The following MARCHF1 variants were observed in gnomAD, a reference collection of about 807,000 sequenced individuals.
The protein encoded by MARCHF1 is membrane associated ring-CH-type finger 1, also known as E3 ubiquitin-protein ligase MARCHF1.
Under a neutral mutation model 54.2 loss-of-function variants are expected in MARCHF1, and 40 were observed. That is an observed-to-expected ratio of 0.74 (90% CI 0.57 to 0.96). The LOEUF (loss-of-function observed/expected upper bound fraction) is 0.96, where lower values mean the gene tolerates loss of function less well. Among genes scored for constraint, MARCHF1 ranks in the 40% least tolerant of loss-of-function variants. The pLI, the probability that MARCHF1 is intolerant of heterozygous loss-of-function variation, is 0.00. For missense variants in MARCHF1, 586 were observed against 656.5 expected, an observed-to-expected ratio of 0.89 and a Z score of 1.17; for synonymous variants, 236 against 236.3, an observed-to-expected ratio of 1.00 and a Z score of 0.01.
chr4:163,615,416 G>A (rs1352397544), intron 5 of MARCHF1, among the ~76,000 whole-genome samples: 2 of 151,958 alleles, frequency 1.3e-5, no homozygotes, highest in Non-Finnish European at 1.5e-5. Flanking sequence ...AATCAATAGT[G>A]TTTCCAAACC....
intron 1 of MARCHF1, among the ~76,000 whole-genome samples, chr4:164,191,872 C>T (rs1731132106): frequency 6.6e-6 from 1 of 152,134 alleles, no homozygotes; most frequent in African/African-American, 2.4e-5. Flanking sequence ...TTTAGTATAT[C>T]ATATGTGTTG....
At chr4:163,692,599 A>G (rs1744499492) in intron 5 of MARCHF1, among the ~76,000 whole-genome samples, 2 of 143,196 alleles carry the variant, frequency 1.4e-5, no homozygotes, top group African/African-American at 2.6e-5. Context: ...TGGCCCCTGA[A>G]AGAATTTATG....
chr4:163,915,281 C>T (rs1471685699), intron 3 of MARCHF1, among the ~76,000 whole-genome samples: 1 of 151,984 alleles, frequency 6.6e-6, no homozygotes, highest in Non-Finnish European at 1.5e-5. Flanking sequence ...ATAAAAATGG[C>T]ACTTTACCTT....
At position 163,902,955 on chromosome 4, in the gene MARCHF1, G is replaced by A. The variant is rs76490292; in HGVS notation, c.-38-48786C>T. 9.3e-3 allele frequency among the ~76,000 whole-genome samples: 1,407 copies of A among 151,774 alleles called. 92 individuals carry two copies. The East Asian group carries it at 0.17, about 18-fold the overall frequency. ...CTTTCCCTTCGAGAGGCACATCATC[G>A]TCTCCTACCTACTCCCACCATACTT... On this transcript the variant is annotated intron_variant, in intron 3 of 9. Transcript: ENST00000514618.
rs545003338 is a variant in MARCHF1 at position 163,543,450 on chromosome 4, A to G, written c.1339+2146T>C. ...GTGGTGCCGTTCCCACAGGTGTTAG[A>G]GTGAGAAGTGGTAGGGGATTATGCA... On this transcript the variant is annotated intron_variant, in intron 9 of 9. Transcript: ENST00000514618. 2.6e-4 allele frequency among the ~76,000 whole-genome samples: 39 copies of G among 151,550 alleles called. No homozygotes were observed. In the East Asian group the frequency reaches 5.6e-3, roughly 22 times the overall value.
At chr4:164,156,672 T>C (rs1730085476) in intron 1 of MARCHF1, among the ~76,000 whole-genome samples, 2 of 152,178 alleles carry the variant, frequency 1.3e-5, no homozygotes, top group South Asian at 2.1e-4. Flanking sequence ...TCCACTCACC[T>C]TGGATTACAG....
chr4:163,852,607 G>A (rs1749671309), intron 4 of MARCHF1, among the ~76,000 whole-genome samples: 1 of 152,068 alleles, frequency 6.6e-6, no homozygotes, highest in Admixed American at 6.6e-5. Flanking sequence ...CTAAAACTTT[G>A]AATACCCAGT....
intron 1 of MARCHF1, among the ~76,000 whole-genome samples, chr4:164,200,107 C>T (rs937074443): frequency 4.6e-5 from 7 of 152,186 alleles, no homozygotes; most frequent in African/African-American, 1.7e-4. Flanking sequence ...GAGAAGCACA[C>T]CTTCTCTGCA....
At chr4:163,662,797 A>AG (rs1470511908) in intron 5 of MARCHF1, among the ~76,000 whole-genome samples, 1 of 151,722 alleles carries the variant, frequency 6.6e-6, no homozygotes, top group Non-Finnish European at 1.5e-5. Flanking sequence ...CAGTTCACTG[A>AG]GAAAAAAAAA....
chr4:163,661,786 C>T (rs1454926467), intron 5 of MARCHF1, among the ~76,000 whole-genome samples: 1 of 151,996 alleles, frequency 6.6e-6, no homozygotes. Flanking sequence ...CTCCCTTTTC[C>T]CCTTGCAACT....
intron 4 of MARCHF1, among the ~76,000 whole-genome samples, chr4:163,803,392 T>G (rs1561086096): frequency 6.7e-6 from 1 of 149,670 alleles, no homozygotes; most frequent in Non-Finnish European, 1.5e-5. Flanking sequence ...CGGCTGGTCT[T>G]GAACTCTTGA....
At chr4:163,882,783 A>G (rs1468056568) in intron 3 of MARCHF1, among the ~76,000 whole-genome samples, 2 of 152,106 alleles carry the variant, frequency 1.3e-5, no homozygotes, top group African/African-American at 4.8e-5. Context: ...AGCCTGGGCA[A>G]CATGATGAAA....
chr4:164,014,909 A>G (rs1156983537), intron 2 of MARCHF1, among the ~76,000 whole-genome samples: 2 of 152,172 alleles, frequency 1.3e-5, no homozygotes, highest in Non-Finnish European at 2.9e-5. Context: ...AAAGAGAGAG[A>G]GAGATCTCAA....
chr4:163,856,331 T>C (rs1749766887), intron 3 of MARCHF1, among the ~76,000 whole-genome samples: 1 of 152,226 alleles, frequency 6.6e-6, no homozygotes, highest in Non-Finnish European at 1.5e-5. Context: ...ATAAATAATA[T>C]GTTAATAATA....
At chr4:164,099,612 G>A (rs1755493547) in intron 2 of MARCHF1, among the ~76,000 whole-genome samples, 3 of 152,026 alleles carry the variant, frequency 2.0e-5, no homozygotes, top group Admixed American at 6.5e-5. Context: ...CAAATTCAAA[G>A]CAGGACAAAA....
chr4:163,953,056 C>A (rs1271637849), intron 3 of MARCHF1, among the ~76,000 whole-genome samples: 1 of 152,046 alleles, frequency 6.6e-6, no homozygotes, highest in Non-Finnish European at 1.5e-5. Context: ...CATTCACCTG[C>A]CATTTTTTGA....
intron 4 of MARCHF1, among the ~76,000 whole-genome samples, chr4:163,842,252 T>C (rs1470888873): frequency 6.6e-6 from 1 of 152,056 alleles, no homozygotes; most frequent in East Asian, 1.9e-4. Context: ...TCTTAATGTG[T>C]CACCTTGGGC....
intron 1 of MARCHF1, among the ~76,000 whole-genome samples, chr4:164,226,176 A>C (rs1441147456): frequency 1.3e-5 from 2 of 152,058 alleles, no homozygotes; most frequent in Admixed American, 1.3e-4. Context: ...AAGAAGCCCC[A>C]CTAACCCATT....
chr4:164,277,280 A>C (rs982138304), intron 1 of MARCHF1, among the ~76,000 whole-genome samples: 6 of 152,176 alleles, frequency 3.9e-5, no homozygotes, highest in Non-Finnish European at 8.8e-5. Context: ...AATATCTGAC[A>C]AACAGTGGGC....
Sources: allele counts gnomAD v4.1 joint callset (sites outside exome capture counted in the v4.1 genomes callset), GRCh38; gene constraint gnomAD v4.1.1; transcripts MANE v1.5; gene names NCBI Gene and HGNC (gene_info 2026-07-23, HGNC 2026-07-21).